The following CPA6 variants were observed in gnomAD, a reference collection of about 807,000 sequenced individuals.
The protein encoded by CPA6 is carboxypeptidase A6.
A neutral mutation model predicts 63.3 loss-of-function variants in CPA6; 58 were observed. The observed-to-expected ratio is 0.92, with a 90% CI of 0.74 to 1.14. The LOEUF is 1.14. Among genes scored for constraint, CPA6 ranks in the 50% most tolerant of loss-of-function variants. The pLI, the probability that CPA6 is intolerant of heterozygous loss-of-function variation, is 0.00. For missense variants in CPA6, 565 were observed against 526.6 expected, an observed-to-expected ratio of 1.07 and a Z score of -0.71; for synonymous variants, 185 against 179.0, an observed-to-expected ratio of 1.03 and a Z score of -0.27.
intron 2 of CPA6, among the ~76,000 whole-genome samples, chr8:67,570,992 G>A (rs1286800035): frequency 1.3e-5 from 2 of 152,078 alleles, no homozygotes; most frequent in African/African-American, 4.8e-5. Context: ...TGAAAGAGAA[G>A]GGATGAAAAA....
chr8:67,715,765 A>G (rs1045794405), intron 1 of CPA6, among the ~76,000 whole-genome samples: 33 of 152,232 alleles, frequency 2.2e-4, no homozygotes, highest in African/African-American at 8.0e-4. Flanking sequence ...CTTTAGAAGG[A>G]AACAACATTT....
chr8:67,605,620 G>A (rs1209257745), intron 2 of CPA6, among the ~76,000 whole-genome samples: 1 of 147,600 alleles, frequency 6.8e-6, no homozygotes, highest in East Asian at 2.0e-4. Context: ...CTAGTGATCT[G>A]TGATAGTCAG....
At chr8:67,632,080 G>A (rs1445600352) in intron 1 of CPA6, among the ~76,000 whole-genome samples, 4 of 152,038 alleles carry the variant, frequency 2.6e-5, no homozygotes, top group African/African-American at 9.7e-5. Context: ...TTTTATTTCA[G>A]AGTTTTATAA....
intron 2 of CPA6, chr8:67,570,036 C>T (rs746827162): frequency 2.0e-5 from 3 of 152,844 alleles, no homozygotes; most frequent in Admixed American, 6.5e-5. Context: ...GCCTGAAGAA[C>T]AACAGTAATG....
intron 2 of CPA6, among the ~76,000 whole-genome samples, chr8:67,589,865 G>A (rs1814060749): frequency 6.6e-6 from 1 of 151,532 alleles, no homozygotes; most frequent in African/African-American, 2.4e-5. Context: ...TGTACTCTGT[G>A]TAGTGTTGTT....
chr8:67,634,732 T>G (rs1187057504), intron 1 of CPA6, among the ~76,000 whole-genome samples: 1 of 151,590 alleles, frequency 6.6e-6, no homozygotes, highest in Non-Finnish European at 1.5e-5. Flanking sequence ...GAAGGTTACA[T>G]TATGTTCCAG....
At chr8:67,517,377 T>C (rs926021478) in intron 3 of CPA6, among the ~76,000 whole-genome samples, 1 of 152,212 alleles carries the variant, frequency 6.6e-6, no homozygotes, top group African/African-American at 2.4e-5. Flanking sequence ...CCCACTAACA[T>C]GTGCCTCCTT....
chr8:67,495,034 T>C (rs1293887525), intron 6 of CPA6, among the ~76,000 whole-genome samples: 2 of 152,182 alleles, frequency 1.3e-5, no homozygotes, highest in Non-Finnish European at 2.9e-5. Context: ...CCCTCCCCAT[T>C]ATCCAGTATC....
chr8:67,449,748 T>C (rs911119809), intron 8 of CPA6, among the ~76,000 whole-genome samples: 2 of 151,560 alleles, frequency 1.3e-5, no homozygotes, highest in Admixed American at 1.3e-4. Flanking sequence ...TGTTCTCCCT[T>C]CCTGTCCTCC....
At chr8:67,453,375 C>T (rs1258201775) in intron 8 of CPA6, among the ~76,000 whole-genome samples, 1 of 152,072 alleles carries the variant, frequency 6.6e-6, no homozygotes, top group African/African-American at 2.4e-5. Context: ...GATGGAGTTG[C>T]CATCAACTGA....
chr8:67,529,742 G>A (rs929791383), intron 2 of CPA6, among the ~76,000 whole-genome samples: 8 of 152,076 alleles, frequency 5.3e-5, no homozygotes, highest in Non-Finnish European at 1.2e-4. Context: ...GGAAATTGGA[G>A]AAAATACCTC....
intron 1 of CPA6, among the ~76,000 whole-genome samples, chr8:67,731,238 A>T (rs1817699530): frequency 6.6e-6 from 1 of 152,234 alleles, no homozygotes; most frequent in South Asian, 2.1e-4. Flanking sequence ...CATTTGAAGG[A>T]AAAAAACAAA....
chr8:67,565,798 C>G (rs958299077), intron 2 of CPA6, among the ~76,000 whole-genome samples: 1 of 152,168 alleles, frequency 6.6e-6, no homozygotes, highest in Non-Finnish European at 1.5e-5. Flanking sequence ...AGCACCTTGA[C>G]TCTCAGGAAG....
intron 2 of CPA6, among the ~76,000 whole-genome samples, chr8:67,564,124 GCATTGCAAAAATGACAT>G (rs1386680205): frequency 6.6e-6 from 1 of 152,162 alleles, no homozygotes; most frequent in Non-Finnish European, 1.5e-5. Flanking sequence ...TAGGTGCTTA[GCATTGCAAAAATGACAT>G]CACTGCCCCA....
chr8:67,668,206 GTTTTTGTTGCAATAAACTGGTAA>G (rs565333688), intron 1 of CPA6, among the ~76,000 whole-genome samples: 1 of 152,164 alleles, frequency 6.6e-6, no homozygotes, highest in Non-Finnish European at 1.5e-5. Context: ...CTAGAAAATT[GTTTTTGTTGCAATAAACTGGTAA>G]AATATACTTT....
At chr8:67,519,623 TC>T (rs769043233) in intron 2 of CPA6, among the ~76,000 whole-genome samples, 5 of 152,224 alleles carry the variant, frequency 3.3e-5, no homozygotes, top group Non-Finnish European at 7.3e-5. Context: ...AGCTGACTCC[TC>T]CACTCGCTTG....
intron 1 of CPA6, among the ~76,000 whole-genome samples, chr8:67,649,486 C>T (rs1287384824): frequency 6.6e-6 from 1 of 152,040 alleles, no homozygotes; most frequent in Non-Finnish European, 1.5e-5. Context: ...CATGTACTAT[C>T]TCATTTGGTC....
intron 1 of CPA6, among the ~76,000 whole-genome samples, chr8:67,672,698 C>T (rs1392784063): frequency 6.6e-6 from 1 of 152,126 alleles, no homozygotes; most frequent in Non-Finnish European, 1.5e-5. Context: ...AATTGAAATG[C>T]CATTAACCTA....
intron 1 of CPA6, among the ~76,000 whole-genome samples, chr8:67,648,173 A>G (rs146414322): frequency 1.4e-3 from 205 of 150,872 alleles, no homozygotes; most frequent in Non-Finnish European, 2.3e-3. Context: ...TCATCATTTC[A>G]GTTTTATACT....
Sources: gnomAD v4.1 joint callset for allele counts (sites outside exome capture counted in the v4.1 genomes callset) on GRCh38, gnomAD v4.1.1 for gene constraint, MANE v1.5 for transcripts, NCBI Gene and HGNC (gene_info 2026-07-23, HGNC 2026-07-21) for gene names.